The following CIZ1 variants were observed in gnomAD, a reference collection of about 807,000 sequenced individuals.
CIZ1 encodes CDKN1A interacting zinc finger protein 1, also known as cip1-interacting zinc finger protein.
A neutral mutation model predicts 118.6 loss-of-function variants in CIZ1; 58 were observed. The observed-to-expected ratio is 0.49, with a 90% confidence interval of 0.40 to 0.61. The LOEUF (loss-of-function observed/expected upper bound fraction) is 0.61. CIZ1 is among the 20% of genes least tolerant of loss of function. The pLI, the probability that CIZ1 is intolerant of heterozygous loss-of-function variation, is 0.00. For missense variants in CIZ1, 921 were observed against 1,115.9 expected (o/e 0.83, Z 2.49); for synonymous variants, 448 against 443.4 (o/e 1.01, Z -0.13).
At chr9:128,197,748 G>A (rs888892922) in intron 1 of CIZ1, 1 of 152,196 alleles carries the variant, frequency 6.6e-6, no homozygotes, top group Non-Finnish European at 1.5e-5. Flanking sequence ...AAGTTTCTTT[G>A]GACAGTGCAA....
chr9:128,179,622 C>T (rs979363140), intron 7 of CIZ1, among the ~76,000 whole-genome samples: 2 of 151,998 alleles, frequency 1.3e-5, no homozygotes, highest in East Asian at 1.9e-4. Context: ...TGTGAGCCAC[C>T]GCGCCCAGCC....
At position 128,185,532 on chromosome 9, in the gene CIZ1, C is replaced by A; in HGVS notation, c.588+15G>T. ...GGTCCCCTCCCGCCCACTCCCATCC[C>A]CACCTACCACTCACCTTTCGATTGG... is the stretch of plus-strand genomic sequence containing the variant. On this transcript the variant is annotated intron_variant, in intron 5 of 16. Transcript: ENST00000372938. The A allele has an allele frequency of 6.7e-7, 1 of 1,494,720 alleles. No individual in the cohort carries two copies. Among genetic ancestry groups the A allele is most frequent in the Non-Finnish European group, 9.0e-7 (1 of 1,114,914 alleles). The allele number at this position is 1,494,720 out of a possible 1,614,324, so 92.6% of individuals were successfully genotyped here.
intron 11 of CIZ1, among the ~76,000 whole-genome samples, chr9:128,171,014 C>T (rs1314337619): frequency 6.6e-6 from 1 of 151,790 alleles, no homozygotes; most frequent in Non-Finnish European, 1.5e-5. Flanking sequence ...GTAGTCCTAG[C>T]TGCTCAGAAG....
chr9:128,178,494 A>C lies in CIZ1; in HGVS notation c.1499-4T>G. On this transcript the variant is annotated splice_polypyrimidine_tract_variant and splice_region_variant and intron_variant, in intron 8 of 16. Coordinates refer to ENST00000372938, the MANE Select transcript of CIZ1 (RefSeq NM_001131016.2). ...TCTGGCAAGGTCTTTTCCATGCCTG[A>C]AATGACAGATGTGCTGTATTTCCCA... 1 of 1,614,184 alleles carries C rather than the reference A, an allele frequency of 6.2e-7. No individual in the cohort carries two copies. The highest frequency in any genetic ancestry group is 8.5e-7 in the Non-Finnish European group (1 of 1,180,026).
chr9:128,191,782 T>C, upstream of CIZ1: 5 of 1,426,078 alleles, frequency 3.5e-6, no homozygotes, highest in Non-Finnish European at 4.6e-6. The surrounding 1 kb of genome is among the most constrained non-coding windows in gnomAD (Gnocchi z 5.5). Context: ...GAGACCAAGG[T>C]CCGTCTGCCG....
chr9:128,187,088 C>T (rs1262359604), intron 4 of CIZ1, among the ~76,000 whole-genome samples: 3 of 152,010 alleles, frequency 2.0e-5, no homozygotes, highest in African/African-American at 4.8e-5. Context: ...TACAGACGCC[C>T]GCCACCACAC....
At position 128,166,070 on chromosome 9, in the gene CIZ1, A is replaced by T; in HGVS notation, c.*127T>A. 1 of 710,940 alleles carries T rather than the reference A, an allele frequency of 1.4e-6. No individual in the cohort carries two copies. The highest frequency in any genetic ancestry group is 1.8e-5 in the African/African-American group (1 of 55,528). 44.0% of individuals were successfully genotyped at this position (710,940 alleles called of 1,614,324 possible). ...ACAGAAGTACTGGTGGGAACTGCAC[A>T]GCCAAACTACCTTGTTTTATTGGAT... On this transcript the variant is annotated 3_prime_UTR_variant, in exon 17 of 17. Coordinates refer to ENST00000372938, the MANE Select transcript of CIZ1 (RefSeq NM_001131016.2). The surrounding 1 kb of genome is among the most constrained non-coding windows in gnomAD (Gnocchi z 4.4).
Position 128,185,732 on chromosome 9 carries a change from G to A in CIZ1, c.403C>T (p.Pro135Ser). The stretch of plus-strand genomic sequence containing the variant: ...GCCAGTTGTGGGGGTGTGAGGCTGG[G>A]GGCTGCGAGGCCTGGGGATGCCATG... ...YGMASPGLAAPSLTPPQLATP... is the reference protein window; with the variant it reads ...YGMASPGLAASSLTPPQLATP... Residue 135 changes from proline to serine, a missense_variant, in exon 5 of 17, where the codon CCC (proline) becomes TCC (serine). By Grantham distance (74) the Pro-to-Ser change is moderately conservative. Transcript: ENST00000372938. 1 of 1,613,344 alleles carries A rather than the reference G, an allele frequency of 6.2e-7. No homozygotes were observed. Among genetic ancestry groups the A allele is most frequent in the Non-Finnish European group, 8.5e-7 (1 of 1,179,634 alleles).
chr9:128,182,913 T>G (rs900105007), intron 5 of CIZ1, among the ~76,000 whole-genome samples: 1 of 152,030 alleles, frequency 6.6e-6, no homozygotes, highest in African/African-American at 2.4e-5. Flanking sequence ...CATGAGTCAT[T>G]GCACCCGGCC....
At chr9:128,171,527 A>C (rs1588129111) in intron 11 of CIZ1, among the ~76,000 whole-genome samples, 1 of 151,336 alleles carries the variant, frequency 6.6e-6, no homozygotes, top group South Asian at 2.1e-4. Context: ...AGAGTTCAAG[A>C]CCAGCCTGAC....
intron 1 of CIZ1, chr9:128,196,946 C>T (rs921662481): frequency 6.6e-6 from 1 of 152,232 alleles, no homozygotes; most frequent in East Asian, 1.9e-4. Context: ...GTTAGTTTCA[C>T]AGGCCTCTTC....
chr9:128,170,182 G>A, intron 11 of CIZ1, 75 bp from the exon 12 acceptor site: 4 of 1,289,338 alleles, frequency 3.1e-6, no homozygotes, highest in Non-Finnish European at 4.5e-6. Flanking sequence ...CTCCATAAGT[G>A]TAATCCATTC....
chr9:128,173,942 C>T (rs914819038), intron 11 of CIZ1, among the ~76,000 whole-genome samples: 2 of 151,694 alleles, frequency 1.3e-5, no homozygotes, highest in African/African-American at 2.4e-5. Flanking sequence ...GGAGGCGGAG[C>T]TTGCAGTGAG....
chr9:128,184,515 C>T (rs1217430244), intron 5 of CIZ1, among the ~76,000 whole-genome samples: 38 of 106,144 alleles, frequency 3.6e-4, no homozygotes, highest in Non-Finnish European at 5.5e-4. Flanking sequence ...TTTTTTGAGA[C>T]AGGGTCTCAC....
At chr9:128,195,650 A>G (rs1288272759), upstream of CIZ1, among the ~76,000 whole-genome samples, 1 of 151,986 alleles carries the variant, frequency 6.6e-6, no homozygotes, top group East Asian at 1.9e-4. Flanking sequence ...GACTTTATCT[A>G]TCTATCCCTT....
chr9:128,169,750 G>A, intron 12 of CIZ1: 1 of 1,511,170 alleles, frequency 6.6e-7, no homozygotes, highest in African/African-American at 1.4e-5. Context: ...CAGACACAGA[G>A]AGAAGACGAG....
intron 11 of CIZ1, among the ~76,000 whole-genome samples, chr9:128,173,995 G>A (rs1270265820): frequency 6.7e-6 from 1 of 148,438 alleles, no homozygotes; most frequent in African/African-American, 2.5e-5. Context: ...GACAGAGCGA[G>A]ACTCCATCTC....
intron 3 of CIZ1, 117 bp downstream of exon 3, chr9:128,190,212 A>C (rs1832954819): frequency 2.8e-6 from 2 of 710,540 alleles, no homozygotes; most frequent in South Asian, 3.4e-5. Flanking sequence ...TGAGTGAACT[A>C]GGATGCCAAG....
chr9:128,179,247 G>A lies in CIZ1; in HGVS notation c.960C>T (p.Ala320=). The A allele has an allele frequency of 6.2e-7, 1 of 1,614,144 alleles. No homozygotes were observed. The highest frequency in any genetic ancestry group is 1.1e-5 in the South Asian group (1 of 91,092). Residue 320 remains alanine (A), a synonymous_variant, in exon 8 of 17, where the codon GCC becomes GCT. Coordinates refer to ENST00000372938, the MANE Select transcript of CIZ1 (RefSeq NM_001131016.2). ...GCGGCTGAGTCTGTGACTGCACCTG[G>A]GCCTGGACCTGCAGGACCCGTGGCT... The part of the protein sequence containing the change: ...RFQPRVLQVQ[A]QVQSQTQPRI...
Sources: allele counts gnomAD v4.1 joint callset (sites outside exome capture counted in the v4.1 genomes callset), GRCh38; gene constraint gnomAD v4.1.1; non-coding constraint Gnocchi (gnomAD v3.1); transcripts MANE v1.5; gene names NCBI Gene and HGNC (gene_info 2026-07-23, HGNC 2026-07-21).